Variants in CEP95 observed in about 807,000 individuals in gnomAD.
The protein encoded by CEP95 is centrosomal protein of 95 kDa.
Under a neutral mutation model 111.2 loss-of-function variants are expected in CEP95, and 98 were observed. That is an observed-to-expected ratio of 0.88 (90% CI 0.75 to 1.04). The LOEUF (loss-of-function observed/expected upper bound fraction) is 1.04, where lower values mean the gene tolerates loss of function less well. CEP95 is among the 50% of genes least tolerant of loss of function. The pLI is 0.00. For synonymous variants in CEP95, 323 were observed against 327.1 expected (o/e 0.99, Z 0.14); for missense variants, 1,027 against 977.2 (o/e 1.05, Z -0.68).
At chr17:64,508,119 C>T in intron 1 of CEP95, 2 of 985,402 alleles carry the variant, frequency 2.0e-6, no homozygotes, top group Non-Finnish European at 2.4e-6. Context: ...TTTTCCGGCA[C>T]CAGAGAAACC....
At chr17:64,515,511 G>T (rs1470264506) in intron 4 of CEP95, among the ~76,000 whole-genome samples, 1 of 152,136 alleles carries the variant, frequency 6.6e-6, no homozygotes, top group Non-Finnish European at 1.5e-5. Context: ...GTAGTGCCTG[G>T]CTAATGATAT....
At position 64,526,064 on chromosome 17, in the gene CEP95, A is replaced by G; in HGVS notation, c.1023-7A>G. On this transcript the variant is annotated splice_polypyrimidine_tract_variant and splice_region_variant and intron_variant, in intron 9 of 19. Coordinates refer to ENST00000556440, the MANE Select transcript of CEP95 (RefSeq NM_138363.3). Reference sequence around the variant, plus strand: ...ATTTTACTGTCAAATGGTCACTTTTATTACAGAAATGAAAACAGAGCTACA... The same window carrying G: ...ATTTTACTGTCAAATGGTCACTTTTGTTACAGAAATGAAAACAGAGCTACA... 1 of 1,609,758 alleles carries G rather than the reference A, an allele frequency of 6.2e-7. No individual in the cohort carries two copies. The highest frequency in any genetic ancestry group is 1.1e-5 in the South Asian group (1 of 89,874).
chr17:64,510,177 C>T lies in CEP95; in HGVS notation c.153C>T (p.Leu51=), dbSNP rs2038819157. 6.3e-7 allele frequency: 1 copy of T among 1,595,610 alleles called. No homozygotes were observed. Among genetic ancestry groups the T allele is most frequent in the African/African-American group, 1.4e-5 (1 of 73,824 alleles). ...TGTGATTTTTTCCCCCCCCAGACCT[C>T]ATAGTTATTCCTAGGAGTCAAGAAG... is the stretch of plus-strand genomic sequence containing the variant. ...QSILGEKVPD[L]IVIPRSQEDD... is the part of the protein sequence containing the mutation. Residue 51 remains leucine (L), a synonymous_variant, in exon 3 of 20, where the codon CTC becomes CTT. Coordinates refer to ENST00000556440, the MANE Select transcript of CEP95 (RefSeq NM_138363.3).
intron 5 of CEP95, among the ~76,000 whole-genome samples, chr17:64,517,381 A>G (rs1598199205): frequency 6.6e-6 from 1 of 152,138 alleles, no homozygotes; most frequent in Admixed American, 6.5e-5. Flanking sequence ...GTACGTCATC[A>G]TCTTTGCAAA....
At chr17:64,532,303 G>C in intron 14 of CEP95, 2 of 1,143,734 alleles carry the variant, frequency 1.7e-6, no homozygotes, top group Non-Finnish European at 2.1e-6. Context: ...CACTTTGACT[G>C]CCTTTTTGTC....
intron 3 of CEP95, among the ~76,000 whole-genome samples, chr17:64,512,874 T>G (rs1036285038): frequency 7.2e-5 from 11 of 152,326 alleles, no homozygotes; most frequent in South Asian, 2.1e-4. Context: ...TTGTGCTTGT[T>G]AAACATACTA....
rs1449680155 is a variant in CEP95 at position 64,510,158 on chromosome 17, T to A, written c.149-15T>A. The stretch of plus-strand genomic sequence containing the variant: ...TCTCATGGATACAAAATTATGTGAT[T>A]TTTTCCCCCCCCAGACCTCATAGTT... On this transcript the variant is annotated splice_polypyrimidine_tract_variant and intron_variant, in intron 2 of 19. Coordinates refer to ENST00000556440, the MANE Select transcript of CEP95 (RefSeq NM_138363.3). 1.3e-6 allele frequency: 2 copies of A among 1,496,370 alleles called. No homozygotes were observed. Among genetic ancestry groups the A allele is most frequent in the Admixed American group, 1.8e-5 (1 of 55,702 alleles). 92.7% of individuals were successfully genotyped at this position (1,496,370 alleles called of 1,614,324 possible). A position where few individuals can be genotyped will look rare whatever the true frequency, so the allele number is the denominator to read the frequency against.
Position 64,510,290 on chromosome 17 carries a change from T to C in CEP95, c.256+10T>C. On this transcript the variant is annotated intron_variant, in intron 3 of 19. Transcript: ENST00000556440. Reference sequence around the variant, plus strand: ...TTGTCTCACATAACAGGTTGGTATATGTATAACTATCACATAATTATGCAT... The same window carrying C: ...TTGTCTCACATAACAGGTTGGTATACGTATAACTATCACATAATTATGCAT... The C allele has an allele frequency of 6.9e-7, 1 of 1,454,502 alleles. No homozygotes were observed. The highest frequency in any genetic ancestry group is 9.6e-7 in the Non-Finnish European group (1 of 1,039,590). The allele number at this position is 1,454,502 out of a possible 1,614,324, so 90.1% of individuals were successfully genotyped here.
In CEP95 at chr17:64,533,182, CAA is replaced by C. The variant is rs1473866914; in HGVS notation, c.1909_1910del (p.Lys637GlufsTer11). On this transcript the variant is annotated frameshift_variant, in exon 16 of 20. Transcript: ENST00000556440. LOFTEE classifies it high-confidence loss of function. Reference protein sequence around the residue: ...TLVKKEYEHNKRLQDFKDCIR... With the variant: ...TLVKKEYEHNXRLQDFKDCIR... ...TTGTCAAGAAAGAATATGAACATAACAAGAGACTGGTATGTCAAGAGCAAGTT... is the reference window on the plus strand; with the variant it reads ...TTGTCAAGAAAGAATATGAACATAACGAGACTGGTATGTCAAGAGCAAGTT... 5.0e-6 allele frequency: 8 copies of C among 1,584,918 alleles called. No individual in the cohort carries two copies. Among genetic ancestry groups the C allele is most frequent in the Admixed American group, 2.0e-5 (1 of 48,972 alleles).
At chr17:64,507,951 C>T (rs563547071) in intron 1 of CEP95, 2 of 984,764 alleles carry the variant, frequency 2.0e-6, no homozygotes, top group East Asian at 1.1e-4. Context: ...GAATGTGGTA[C>T]GCAGGAAACG....
intron 14 of CEP95, chr17:64,532,282 G>C (rs118010167): frequency 8.4e-7 from 1 of 1,193,926 alleles, no homozygotes; most frequent in Non-Finnish European, 1.0e-6. Flanking sequence ...AGCCTCACTC[G>C]TGTGCTTACT....
intron 12 of CEP95, 120 bp from the exon 13 acceptor site, chr17:64,530,806 C>T: frequency 7.2e-6 from 4 of 555,420 alleles, no homozygotes; most frequent in Non-Finnish European, 9.3e-6. Context: ...GTTGAGGCAC[C>T]ATTGGAATTG....
At chr17:64,510,700 C>G (rs531169970) in intron 3 of CEP95, among the ~76,000 whole-genome samples, 1 of 152,172 alleles carries the variant, frequency 6.6e-6, no homozygotes, top group Non-Finnish European at 1.5e-5. Context: ...CAGGTGTGCA[C>G]CACCATGCCT....
rs1193340197 is a variant in CEP95, at chr17:64,536,853, GT to G, written c.2217+108del. On this transcript the variant is annotated intron_variant, in intron 18 of 19. Transcript: ENST00000556440. The stretch of plus-strand genomic sequence containing the variant: ...GACAATAAACCTTGTGTTAACTGAA[GT>G]TTGCACTCTACAGATTAGAGGACCC... 5 of 1,361,052 alleles carry G rather than the reference GT, an allele frequency of 3.7e-6. No individual in the cohort carries two copies. The African/African-American group carries it at 7.3e-5, about 20-fold the overall frequency. The allele number at this position is 1,361,052 out of a possible 1,614,324, so 84.3% of individuals were successfully genotyped here.
chr17:64,506,962 C>T (rs1297060040), upstream of CEP95: 3 of 944,040 alleles, frequency 3.2e-6, no homozygotes, highest in Non-Finnish European at 5.0e-6. Context: ...AACGTCCGTC[C>T]TTCTTTCACG....
At chr17:64,521,204 T>C (rs1568136598) in intron 6 of CEP95, among the ~76,000 whole-genome samples, 198 bp from the exon 7 acceptor site, 1 of 151,630 alleles carries the variant, frequency 6.6e-6, no homozygotes, top group Non-Finnish European at 1.5e-5. Context: ...GCCATTGCAC[T>C]GCAGCCTGGC....
chr17:64,522,931 T>A, intron 8 of CEP95, 36 bp downstream of exon 8: 1 of 1,492,222 alleles, frequency 6.7e-7, no homozygotes, highest in Middle Eastern at 2.3e-4. Flanking sequence ...TGGCTAGAAG[T>A]ACACTTGTAT....
intron 8 of CEP95, among the ~76,000 whole-genome samples, chr17:64,525,332 A>G (rs1447447199): frequency 1.3e-5 from 2 of 152,214 alleles, no homozygotes; most frequent in Non-Finnish European, 2.9e-5. Flanking sequence ...TCAAAAAAAA[A>G]AGGAAATTTA....
intron 10 of CEP95, 127 bp downstream of exon 10, chr17:64,526,327 TC>T: frequency 1.1e-6 from 1 of 918,662 alleles, no homozygotes; most frequent in Non-Finnish European, 1.6e-6. Flanking sequence ...GTGAAAATGT[TC>T]CGTAAGTCAA....
Sources: gnomAD v4.1 joint callset for allele counts (sites outside exome capture counted in the v4.1 genomes callset) on GRCh38, gnomAD v4.1.1 for gene constraint, MANE v1.5 for transcripts, NCBI Gene and HGNC (gene_info 2026-07-23, HGNC 2026-07-21) for gene names.